SETD9: variants seen among roughly 807,000 people sequenced by gnomAD.
The protein encoded by SETD9 is SET domain-containing protein 9.
Under a neutral mutation model 36.4 loss-of-function variants are expected in SETD9, and 37 were observed. The observed-to-expected ratio is 1.02, with a 90% CI of 0.78 to 1.34. The LOEUF (loss-of-function observed/expected upper bound fraction) is 1.34, where lower values mean the gene tolerates loss of function less well. Ranked by LOEUF, SETD9 falls within the 40% of genes most tolerant of loss-of-function variation. SETD9 has a pLI of 0.00. For synonymous variants in SETD9, 128 were observed against 132.9 expected, an observed-to-expected ratio of 0.96 and a Z score of 0.26; for missense variants, 323 against 353.2, an observed-to-expected ratio of 0.91 and a Z score of 0.69.
intron 4 of SETD9, 140 bp from the exon 5 acceptor site, chr5:56,914,721 A>G (rs1749338718): frequency 2.5e-6 from 1 of 394,642 alleles, no homozygotes; most frequent in African/African-American, 2.1e-5. Flanking sequence ...AAACTCTGAC[A>G]GTACCTGGAA....
chr5:56,909,557 G>A (rs1748978662), upstream of SETD9: 1 of 980,406 alleles, frequency 1.0e-6, no homozygotes, highest in Non-Finnish European at 1.4e-6. Flanking sequence ...GCGGCCGAGC[G>A]CGGCCCCCTC....
rs541393082 is a variant in SETD9, at chr5:56,911,161, A to G, written c.99-8A>G. ...AGGGTAGTGAATAGAAACTTTTCCC[A>G]TTTTCAGGACCCTCCGATATGTTCC... On this transcript the variant is annotated splice_polypyrimidine_tract_variant and splice_region_variant and intron_variant, in intron 1 of 5. Transcript: ENST00000285947. 3.9e-6 allele frequency: 6 copies of G among 1,522,512 alleles called. No individual in the cohort carries two copies. Among genetic ancestry groups the G allele is most frequent in the South Asian group, 2.7e-5 (2 of 74,068 alleles). 94.3% of individuals were successfully genotyped at this position (1,522,512 alleles called of 1,614,324 possible).
Position 56,917,279 on chromosome 5 carries a change from A to T in SETD9, c.*377A>T. On this transcript the variant is annotated 3_prime_UTR_variant, in exon 6 of 6. Coordinates refer to ENST00000285947, the MANE Select transcript of SETD9 (RefSeq NM_153706.4). Reference sequence around the variant, plus strand: ...AGTTCTTGTAGTACTGCTGATGTGTACAAACTTCTGTAAAAACTTTATTTT... The same window carrying T: ...AGTTCTTGTAGTACTGCTGATGTGTTCAAACTTCTGTAAAAACTTTATTTT... 1.0e-6 allele frequency: 1 copy of T among 996,900 alleles called. No homozygotes were observed. Among genetic ancestry groups the T allele is most frequent in the Non-Finnish European group, 1.2e-6 (1 of 838,180 alleles). The allele number at this position is 996,900 out of a possible 1,614,324, so 61.8% of individuals were successfully genotyped here.
chr5:56,924,796 G>C (rs532260038), intron 5 of SETD9, among the ~76,000 whole-genome samples: 17 of 152,256 alleles, frequency 1.1e-4, no homozygotes, highest in African/African-American at 3.9e-4. Context: ...TCCAATAAAT[G>C]CTTTCTCCCT....
chr5:56,923,502 G>C (rs920777170), intron 5 of SETD9: 1 of 1,614,186 alleles, frequency 6.2e-7, no homozygotes, highest in Non-Finnish European at 8.5e-7. Context: ...TGTCCACGGG[G>C]TGTGTTGCCC....
At chr5:56,909,575 G>T (rs1476965465), upstream of SETD9, 1 of 1,290,484 alleles carries the variant, frequency 7.7e-7, no homozygotes, top group South Asian at 1.5e-5. Flanking sequence ...CTCTCCTCCC[G>T]GGCCGGGGCG....
intron 5 of SETD9, among the ~76,000 whole-genome samples, chr5:56,915,545 G>T (rs1242477232): frequency 6.6e-6 from 1 of 152,178 alleles, no homozygotes; most frequent in Admixed American, 6.5e-5. Flanking sequence ...TTTCTTAACA[G>T]TGCTGTAGGA....
intron 5 of SETD9, chr5:56,923,466 C>T: frequency 1.2e-6 from 2 of 1,614,172 alleles, no homozygotes; most frequent in Non-Finnish European, 1.7e-6. Flanking sequence ...AGTAACTCTT[C>T]TGTTACAACA....
intron 5 of SETD9, chr5:56,923,046 T>G (rs1749748150): frequency 8.6e-7 from 1 of 1,163,760 alleles, no homozygotes; most frequent in Non-Finnish European, 1.2e-6. Flanking sequence ...GGTTCAAACT[T>G]CCAGTGAAAG....
intron 4 of SETD9, among the ~76,000 whole-genome samples, chr5:56,914,619 T>A (rs1749331256): frequency 6.6e-6 from 1 of 152,140 alleles, no homozygotes; most frequent in Admixed American, 6.5e-5. Context: ...ATGCAAAAAG[T>A]AATAAAACAT....
At position 56,916,889 on chromosome 5, in the gene SETD9, C is replaced by G. The variant is rs1261321276; in HGVS notation, c.887C>G (p.Thr296Arg). 2.5e-6 allele frequency: 4 copies of G among 1,602,458 alleles called. No homozygotes were observed. The African/African-American group carries it at 5.4e-5, about 21-fold the overall frequency. The change falls in exon 6 of 6, where the codon ACA (threonine) becomes AGA (arginine). Residue 296 changes from threonine to arginine, a missense_variant. By Grantham distance (71) the Thr-to-Arg change is moderately conservative. Coordinates refer to ENST00000285947, the MANE Select transcript of SETD9 (RefSeq NM_153706.4). ...QGEELFSNYY[T>R]IVS ...GAAGAGCTTTTTTCAAACTACTACACAATTGTCAGCTAACTCTGTGAATCA... is the reference window on the plus strand; with the variant it reads ...GAAGAGCTTTTTTCAAACTACTACAGAATTGTCAGCTAACTCTGTGAATCA...
intron 5 of SETD9, chr5:56,924,019 C>T (rs749945185): frequency 1.2e-6 from 2 of 1,613,748 alleles, no homozygotes; most frequent in Non-Finnish European, 8.5e-7. Context: ...ATGCTACACA[C>T]TCAGCAACTG....
At chr5:56,912,121 C>A in intron 2 of SETD9, 1 of 940,994 alleles carries the variant, frequency 1.1e-6, no homozygotes, top group African/African-American at 1.8e-5. Context: ...TGCCATTGCG[C>A]TCCAGCCTGG....
intron 3 of SETD9, among the ~76,000 whole-genome samples, chr5:56,913,387 CTT>C (rs200264670): frequency 4.9e-5 from 7 of 141,536 alleles, no homozygotes; most frequent in Non-Finnish European, 3.1e-5. Context: ...ATTTTTTTTA[CTT>C]TTTTTTTTTT....
downstream of SETD9, among the ~76,000 whole-genome samples, chr5:56,926,631 G>A (rs976977716): frequency 4.0e-5 from 6 of 151,466 alleles, no homozygotes; most frequent in Admixed American, 1.3e-4. Context: ...ATTCATTACT[G>A]CTGGAAATAC....
intron 2 of SETD9, among the ~76,000 whole-genome samples, chr5:56,912,771 A>G (rs953385622): frequency 3.3e-5 from 5 of 152,168 alleles, no homozygotes; most frequent in African/African-American, 9.7e-5. Context: ...ATGTATATAT[A>G]TGACTTTGTA....
At chr5:56,923,723 A>C (rs1333303811) in intron 5 of SETD9, 1 of 1,614,234 alleles carries the variant, frequency 6.2e-7, no homozygotes, top group South Asian at 1.1e-5. Context: ...GGAGTTGAGA[A>C]TGTTTAGCTG....
At chr5:56,917,775 C>G (rs536976127), downstream of SETD9, among the ~76,000 whole-genome samples, 59 of 152,312 alleles carry the variant, frequency 3.9e-4, no homozygotes, top group African/African-American at 1.1e-3. Context: ...ATTGGCAGGC[C>G]AACCTGGCTG....
chr5:56,918,634 C>G (rs1464324923), downstream of SETD9, among the ~76,000 whole-genome samples: 6 of 125,792 alleles, frequency 4.8e-5, no homozygotes, highest in Admixed American at 4.7e-4. Context: ...TCTGAAGGCA[C>G]TTCTGTGCAT....
Sources: allele counts gnomAD v4.1 joint callset (sites outside exome capture counted in the v4.1 genomes callset), GRCh38; gene constraint gnomAD v4.1.1; transcripts MANE v1.5; gene names NCBI Gene and HGNC (gene_info 2026-07-23, HGNC 2026-07-21).